Variants in ITGAX observed in about 807,000 individuals in gnomAD.
ITGAX encodes the protein integrin alpha-X.
In ITGAX, 99 loss-of-function variants were observed where a neutral mutation model predicts 140.2. That is an observed-to-expected ratio of 0.71 (90% CI 0.60 to 0.83). ITGAX has a LOEUF of 0.83. Among genes scored for constraint, ITGAX ranks in the 40% least tolerant of loss-of-function variants. ITGAX has a pLI of 0.00. For missense variants in ITGAX, 1,444 were observed against 1,482.0 expected (o/e 0.97, Z 0.42); for synonymous variants, 631 against 600.4 (o/e 1.05, Z -0.75).
At position 31,359,842 on chromosome 16, in the gene ITGAX, G is replaced by T. The variant is rs191713688; in HGVS notation, c.561+12G>T. 161 of 1,614,108 alleles carry T rather than the reference G, an allele frequency of 1.0e-4. No individual in the cohort carries two copies. Among genetic ancestry groups the T allele is most frequent in the Non-Finnish European group, 1.3e-4 (151 of 1,179,996 alleles). Reference sequence around the variant, plus strand: ...GACCCAGCACCCAGGTGTGCCTTTGGGGGAGGGAGGCTGCTGGGGGTGGGT... The same window carrying T: ...GACCCAGCACCCAGGTGTGCCTTTGTGGGAGGGAGGCTGCTGGGGGTGGGT... On this transcript the variant is annotated intron_variant, in intron 6 of 29. Coordinates refer to ENST00000268296, the MANE Select transcript of ITGAX (RefSeq NM_000887.5).
Position 31,371,144 on chromosome 16 carries a change from G to C in ITGAX, c.1771G>C (p.Gly591Arg), listed in dbSNP as rs1396405193. ...LQYFGQALSGGQDLTQDGLVD... is the reference protein window; with the variant it reads ...LQYFGQALSGRQDLTQDGLVD... ...GTATTTTGGGCAGGCACTGAGCGGG[G>C]GTCAAGACCTCACCCAGGATGGACT... Residue 591 changes from glycine (G) to arginine (R), a missense_variant, in exon 15 of 30, where the codon GGT becomes CGT. Gly to Arg is a moderately radical substitution (Grantham distance 125, BLOSUM62 -2). Transcript: ENST00000268296. 2.5e-6 allele frequency: 4 copies of C among 1,613,894 alleles called. No homozygotes were observed. The highest frequency in any genetic ancestry group is 3.4e-6 in the Non-Finnish European group (4 of 1,179,988).
intron 10 of ITGAX, 21 bp downstream of exon 10, chr16:31,361,930 C>T (rs377491698): frequency 3.7e-5 from 60 of 1,613,648 alleles, no homozygotes; most frequent in Non-Finnish European, 4.8e-5. Context: ...CCCCTTAGGC[C>T]GATGATGTGC....
chr16:31,371,911 T>C (rs1409613946), intron 17 of ITGAX, 127 bp downstream of exon 17: 8 of 1,119,198 alleles, frequency 7.1e-6, no homozygotes, highest in Non-Finnish European at 1.0e-5. Context: ...ATGCAGGACG[T>C]GCTTACTGCA....
chr16:31,372,411 T>C lies in ITGAX; in HGVS notation c.2194T>C (p.Leu732=). ...GGAGGACTCTGTGACCCCCATTACCTTGCGTCTGAACTTCACGCTGGTGGG... is the reference window on the plus strand; with the variant it reads ...GGAGGACTCTGTGACCCCCATTACCCTGCGTCTGAACTTCACGCTGGTGGG... The part of the protein sequence containing the change: ...CVEDSVTPIT[L]RLNFTLVGKP... The change falls in exon 18 of 30, where the codon TTG becomes CTG. Residue 732 remains leucine (L), a synonymous_variant. Transcript: ENST00000268296. 6.2e-7 allele frequency: 1 copy of C among 1,609,248 alleles called. No individual in the cohort carries two copies. Among genetic ancestry groups the C allele is most frequent in the Non-Finnish European group, 8.5e-7 (1 of 1,178,792 alleles).
In ITGAX at chr16:31,375,487, G is replaced by A. The variant is rs144868837; in HGVS notation, c.2509-1312G>A. Among the ~76,000 whole-genome samples, 872 of 152,206 alleles carry A rather than the reference G, an allele frequency of 5.7e-3. 40 individuals carry two copies. In the South Asian group the frequency reaches 0.11, roughly 20 times the overall value. ...TCTATTGATACATTACCTAGTTTGCGGTAATCTGTTATAGCAGCAGGGAAC... is the reference window on the plus strand; with the variant it reads ...TCTATTGATACATTACCTAGTTTGCAGTAATCTGTTATAGCAGCAGGGAAC... On this transcript the variant is annotated intron_variant, in intron 20 of 29. Coordinates refer to ENST00000268296, the MANE Select transcript of ITGAX (RefSeq NM_000887.5).
At chr16:31,372,166 G>GA (rs1491387117) in intron 17 of ITGAX, among the ~76,000 whole-genome samples, 1 of 106,868 alleles carries the variant, frequency 9.4e-6, no homozygotes, top group Non-Finnish European at 1.9e-5. Context: ...CGGGAGGTCT[G>GA]GGGGGGGGGA....
chr16:31,367,365 T>C (rs1054351533), intron 14 of ITGAX, among the ~76,000 whole-genome samples: 1 of 152,228 alleles, frequency 6.6e-6, no homozygotes, highest in Non-Finnish European at 1.5e-5. Flanking sequence ...AGATGGCATC[T>C]AGGACTTTCA....
chr16:31,374,405 G>C (rs2081000673), intron 20 of ITGAX, among the ~76,000 whole-genome samples: 1 of 152,014 alleles, frequency 6.6e-6, no homozygotes, highest in South Asian at 2.1e-4. Flanking sequence ...TGCCACATTT[G>C]TTTCATCAAT....
intron 14 of ITGAX, among the ~76,000 whole-genome samples, chr16:31,367,484 T>G (rs759672514): frequency 6.6e-6 from 1 of 152,224 alleles, no homozygotes; most frequent in Non-Finnish European, 1.5e-5. Flanking sequence ...ATTTACCATT[T>G]GGAAAATTCC....
chr16:31,376,679 T>C lies in ITGAX; in HGVS notation c.2509-120T>C, dbSNP rs115907434. 2.1e-3 allele frequency: 1,861 copies of C among 877,620 alleles called. 25 individuals carry two copies. In the African/African-American group the frequency reaches 0.028, roughly 13 times the overall value. 54.4% of individuals were successfully genotyped at this position (877,620 alleles called of 1,614,324 possible). ...GCTTAAGGTGGGCTCCAGGAAGCTT[T>C]ATCACTACTTCGTGGCGTGTCTTTG... On this transcript the variant is annotated intron_variant, in intron 20 of 29. Coordinates refer to ENST00000268296, the MANE Select transcript of ITGAX (RefSeq NM_000887.5).
intron 23 of ITGAX, among the ~76,000 whole-genome samples, chr16:31,378,820 T>C (rs1201623043): frequency 8.3e-4 from 20 of 24,140 alleles, no homozygotes; most frequent in East Asian, 3.4e-3. Flanking sequence ...CTCTCTCTCT[T>C]TTTTTTTTTT....
In ITGAX at chr16:31,363,263, G is replaced by A. The variant is rs2080856888; in HGVS notation, c.1599G>A (p.Gly533=). The change falls in exon 14 of 30, where the codon GGG becomes GGA. Residue 533 remains glycine, a synonymous_variant. Transcript: ENST00000268296. ...AALTVLGDVN[G]DKLTDVVIGA... ...TGACAGTGCTGGGGGATGTGAATGG[G>A]GACAAGCTGACAGACGTGGTCATCG... is the stretch of plus-strand genomic sequence containing the variant. 1 of 1,613,844 alleles carries A rather than the reference G, an allele frequency of 6.2e-7. No individual in the cohort carries two copies. Among genetic ancestry groups the A allele is most frequent in the Non-Finnish European group, 8.5e-7 (1 of 1,179,888 alleles).
intron 14 of ITGAX, among the ~76,000 whole-genome samples, chr16:31,364,715 C>G (rs1260593778): frequency 6.6e-6 from 1 of 151,938 alleles, no homozygotes; most frequent in Non-Finnish European, 1.5e-5. Flanking sequence ...GGCAGGTCCT[C>G]AAAACATTAA....
chr16:31,377,099 G>C lies in ITGAX; in HGVS notation c.2705+20G>C, dbSNP rs757537224. ...GAGCAGGTGAGCCGGGCCAGGCCAGGGGCAGTGCCCCTCATCTCCAGCCTC... is the reference window on the plus strand; with the variant it reads ...GAGCAGGTGAGCCGGGCCAGGCCAGCGGCAGTGCCCCTCATCTCCAGCCTC... On this transcript the variant is annotated intron_variant, in intron 22 of 29. Coordinates refer to ENST00000268296, the MANE Select transcript of ITGAX (RefSeq NM_000887.5). 6.2e-7 allele frequency: 1 copy of C among 1,613,860 alleles called. No homozygotes were observed. The highest frequency in any genetic ancestry group is 8.5e-7 in the Non-Finnish European group (1 of 1,179,788).
chr16:31,374,445 T>C (rs2081000904), intron 20 of ITGAX, among the ~76,000 whole-genome samples: 1 of 152,184 alleles, frequency 6.6e-6, no homozygotes, highest in African/African-American at 2.4e-5. Flanking sequence ...ATTTTCTTTA[T>C]TTCTTTATTT....
Position 31,377,254 on chromosome 16 carries a change from T to C in ITGAX, c.2778T>C (p.Thr926=). ...TCCCGGTGAAGTATGCTGTCTACAC[T>C]GTGGTTAGCAGGTCAGCAGGTACCC... ...LELPVKYAVY[T]VVSSHEQFTK... is the part of the protein sequence containing the mutation. The change falls in exon 23 of 30, where the codon ACT becomes ACC. Residue 926 remains threonine (T), a synonymous_variant. Transcript: ENST00000268296. 1.9e-6 allele frequency: 3 copies of C among 1,612,402 alleles called. No individual in the cohort carries two copies. In the East Asian group the frequency reaches 6.7e-5, roughly 36 times the overall value.
At chr16:31,372,280 C>G in intron 17 of ITGAX, 98 bp from the exon 18 acceptor site, 1 of 1,441,550 alleles carries the variant, frequency 6.9e-7, no homozygotes, top group South Asian at 1.3e-5. Flanking sequence ...TGAAGCCGCG[C>G]GGGAGCTGGG....
In ITGAX at chr16:31,382,396, C is replaced by T. The variant is rs2081077949; in HGVS notation, c.*489C>T. 9 of 1,528,718 alleles carry T rather than the reference C, an allele frequency of 5.9e-6. No homozygotes were observed. The Admixed American group carries it at 1.8e-4, about 30-fold the overall frequency. The allele number at this position is 1,528,718 out of a possible 1,614,324, so 94.7% of individuals were successfully genotyped here. ...GAGTAGCTGGGACTACAGGCACACG[C>T]CACCTCGCCCGGCCCGATCTTTCTA... is the stretch of plus-strand genomic sequence containing the variant. On this transcript the variant is annotated 3_prime_UTR_variant, in exon 30 of 30. Coordinates refer to ENST00000268296, the MANE Select transcript of ITGAX (RefSeq NM_000887.5).
chr16:31,374,116 C>T (rs1486054907), intron 20 of ITGAX, among the ~76,000 whole-genome samples: 1 of 152,042 alleles, frequency 6.6e-6, no homozygotes, highest in African/African-American at 2.4e-5. Context: ...TGGTGAAACC[C>T]CATCTCTACG....
Sources: allele counts gnomAD v4.1 joint callset (sites outside exome capture counted in the v4.1 genomes callset), GRCh38; gene constraint gnomAD v4.1.1; transcripts MANE v1.5; gene names NCBI Gene and HGNC (gene_info 2026-07-23, HGNC 2026-07-21).